Variants in FARP2 observed in about 807,000 individuals in gnomAD.
FARP2 encodes FERM, ARH/RhoGEF and pleckstrin domain protein 2, also known as FERM, ARHGEF and pleckstrin domain-containing protein 2.
FARP2 carries 111 observed loss-of-function variants against 130.5 expected under a neutral mutation model. The ratio of observed to expected loss-of-function variants is 0.85; its 90% CI spans 0.73 to 1.00. FARP2 has a LOEUF of 1.00. Ranked by LOEUF, FARP2 falls within the 50% of genes least tolerant of loss-of-function variation. The pLI, the probability that FARP2 is intolerant of heterozygous loss-of-function variation, is 0.00. For synonymous variants in FARP2, 504 were observed against 516.9 expected, an observed-to-expected ratio of 0.98 and a Z score of 0.34; for missense variants, 1,385 against 1,346.3, an observed-to-expected ratio of 1.03 and a Z score of -0.45.
At chr2:241,423,192 A>G (rs1265243626) in intron 8 of FARP2, among the ~76,000 whole-genome samples, 1 of 152,184 alleles carries the variant, frequency 6.6e-6, no homozygotes, top group Non-Finnish European at 1.5e-5. Flanking sequence ...TAAAAGAAAA[A>G]ATATTAAAGG....
intron 13 of FARP2, among the ~76,000 whole-genome samples, chr2:241,453,466 C>G (rs552476547): frequency 6.7e-6 from 1 of 148,494 alleles, no homozygotes; most frequent in Non-Finnish European, 1.5e-5. Flanking sequence ...ACTAAAAATA[C>G]AAAAAATTAG....
intron 2 of FARP2, among the ~76,000 whole-genome samples, chr2:241,392,201 G>T (rs766977038): frequency 6.6e-6 from 1 of 152,206 alleles, no homozygotes; most frequent in African/African-American, 2.4e-5. Flanking sequence ...GGTGTGAGCC[G>T]CTGGCTCTCC....
chr2:241,476,054 A>G (rs1003712132), intron 19 of FARP2, 67 bp downstream of exon 19: 28 of 1,461,362 alleles, frequency 1.9e-5, no homozygotes, highest in East Asian at 1.8e-4. Flanking sequence ...TATAATTTAC[A>G]TACCACAAAA....
At chr2:241,411,452 C>G (rs2062515660) in intron 6 of FARP2, among the ~76,000 whole-genome samples, 1 of 152,298 alleles carries the variant, frequency 6.6e-6, no homozygotes, top group East Asian at 1.9e-4. Flanking sequence ...GAATATAAAC[C>G]AAACTCTGAG....
chr2:241,434,127 GAATT>G (rs2063159078), intron 9 of FARP2, 27 bp from the exon 10 acceptor site: 4 of 1,536,994 alleles, frequency 2.6e-6, no homozygotes, highest in Non-Finnish European at 3.5e-6. Flanking sequence ...CTTCATTCTT[GAATT>G]AATTAACCTT....
chr2:241,471,519 AG>A (rs1298752508), intron 18 of FARP2: 1 of 104,276 alleles, frequency 9.6e-6, no homozygotes, highest in Non-Finnish European at 1.8e-5. Context: ...TGTGAGACGG[AG>A]TCTCGCTCTG....
rs2064883355 is a variant in FARP2 at position 241,491,053 on chromosome 2, C to T, written c.2505-8C>T. 6.2e-7 allele frequency: 1 copy of T among 1,608,092 alleles called. No homozygotes were observed. Reference sequence around the variant, plus strand: ...CAGAGCCACTGAGCCTTGCCCTTCTCCCTGCAGCACTCGGCTGGAGAAAGA... The same window carrying T: ...CAGAGCCACTGAGCCTTGCCCTTCTTCCTGCAGCACTCGGCTGGAGAAAGA... On this transcript the variant is annotated splice_region_variant and splice_polypyrimidine_tract_variant and intron_variant, in intron 22 of 26. Transcript: ENST00000264042.
intron 7 of FARP2, among the ~76,000 whole-genome samples, chr2:241,415,989 CTG>C (rs57774022): frequency 0.042 from 5,888 of 141,646 alleles, 143 homozygotes; most frequent in South Asian, 0.065. Context: ...CAGGGTAGTT[CTG>C]TGTGTGTGTG....
chr2:241,477,790 T>C (rs1267074044), intron 19 of FARP2: 1 of 152,514 alleles, frequency 6.6e-6, no homozygotes, highest in Non-Finnish European at 1.5e-5. Flanking sequence ...GGTTACAATT[T>C]GTATTTCCCT....
intron 17 of FARP2, among the ~76,000 whole-genome samples, 163 bp downstream of exon 17, chr2:241,464,143 G>A: frequency 6.7e-6 from 1 of 148,844 alleles, no homozygotes; most frequent in Non-Finnish European, 1.5e-5. Context: ...CCCCCTCAGA[G>A]CAGGATCCCT....
intron 1 of FARP2, chr2:241,372,616 T>C (rs1365842678): frequency 6.6e-6 from 1 of 152,284 alleles, no homozygotes; most frequent in African/African-American, 2.4e-5. Flanking sequence ...TGCTGTGCTT[T>C]GTGGAGCCTG....
At chr2:241,443,840 A>G (rs569106138) in intron 13 of FARP2, 14 of 152,366 alleles carry the variant, frequency 9.2e-5, no homozygotes, top group African/African-American at 3.1e-4. Context: ...TCTTCCCAGA[A>G]TGTCTTGTGG....
At chr2:241,360,379 G>C (rs539182998) in intron 1 of FARP2, among the ~76,000 whole-genome samples, 2 of 152,112 alleles carry the variant, frequency 1.3e-5, no homozygotes, top group African/African-American at 4.8e-5. Flanking sequence ...GGTGGCTCAC[G>C]CCTGTAATCA....
chr2:241,382,831 G>T lies in FARP2; in HGVS notation c.183+9541G>T, dbSNP rs190835981. On this transcript the variant is annotated intron_variant, in intron 2 of 26. Transcript: ENST00000264042. The stretch of plus-strand genomic sequence containing the variant: ...CTCCTGTTTAATAGGCAAAAGTTAG[G>T]ATTTTTATTCACATTTTCATCAGAC... 3.9e-5 allele frequency among the ~76,000 whole-genome samples: 6 copies of T among 152,162 alleles called. No individual in the cohort carries two copies. In the East Asian group the frequency reaches 5.8e-4, roughly 15 times the overall value.
At chr2:241,417,342 A>G (rs1051888650) in intron 7 of FARP2, among the ~76,000 whole-genome samples, 3 of 151,980 alleles carry the variant, frequency 2.0e-5, no homozygotes, top group Non-Finnish European at 4.4e-5. Context: ...TAACACTACT[A>G]TCCCGTCACA....
intron 8 of FARP2, among the ~76,000 whole-genome samples, chr2:241,428,027 A>G (rs1026360538): frequency 6.6e-6 from 1 of 151,664 alleles, no homozygotes; most frequent in Non-Finnish European, 1.5e-5. Context: ...TGGCCTCCCA[A>G]AGTGCTGGGA....
intron 16 of FARP2, 171 bp downstream of exon 16, chr2:241,463,639 C>T (rs1174290685): frequency 1.3e-6 from 1 of 762,682 alleles, no homozygotes; most frequent in East Asian, 2.7e-5. Context: ...TTTATTCACC[C>T]TCTTCCAGAA....
At chr2:241,428,067 A>G (rs1324036810) in intron 8 of FARP2, among the ~76,000 whole-genome samples, 1 of 151,924 alleles carries the variant, frequency 6.6e-6, no homozygotes, top group Non-Finnish European at 1.5e-5. Context: ...CGCCCAGCCT[A>G]GGCCCTCGGT....
intron 13 of FARP2, 24 bp downstream of exon 13, chr2:241,441,580 A>G (rs1299293313): frequency 6.2e-7 from 1 of 1,613,794 alleles, no homozygotes; most frequent in Non-Finnish European, 8.5e-7. Flanking sequence ...TCATGTCGTG[A>G]GCAGCTGTGG....
Sources: gnomAD v4.1 joint callset for allele counts (sites outside exome capture counted in the v4.1 genomes callset) on GRCh38, gnomAD v4.1.1 for gene constraint, MANE v1.5 for transcripts, NCBI Gene and HGNC (gene_info 2026-07-23, HGNC 2026-07-21) for gene names.